Variants in PDE8A observed in about 807,000 individuals in gnomAD.
PDE8A encodes the protein phosphodiesterase 8A, also known as high affinity cAMP-specific and IBMX-insensitive 3',5'-cyclic phosphodiesterase 8A.
Under a neutral mutation model 105.0 loss-of-function variants are expected in PDE8A, and 59 were observed. The ratio of observed to expected loss-of-function variants is 0.56; its 90% CI spans 0.46 to 0.70. PDE8A has a LOEUF of 0.70. Ranked by LOEUF, PDE8A falls within the 30% of genes least tolerant of loss-of-function variation. The probability of loss-of-function intolerance (pLI) is 0.00; values close to 1 mark genes in which losing one functional copy is unlikely to be tolerated. For missense variants in PDE8A, 1,014 were observed against 1,045.9 expected, an observed-to-expected ratio of 0.97 and a Z score of 0.42; for synonymous variants, 355 against 371.9, an observed-to-expected ratio of 0.95 and a Z score of 0.52.
intron 1 of PDE8A, among the ~76,000 whole-genome samples, chr15:85,038,529 A>G (rs2080747738): frequency 6.6e-6 from 1 of 152,226 alleles, no homozygotes; most frequent in African/African-American, 2.4e-5. Context: ...GTACTCGGCA[A>G]AGGAAACAAT....
At chr15:85,068,755 TCCAGG>T (rs2081269402) in intron 3 of PDE8A, among the ~76,000 whole-genome samples, 3 of 152,132 alleles carry the variant, frequency 2.0e-5, no homozygotes, top group Non-Finnish European at 4.4e-5. Context: ...CCTAGTCTTG[TCCAGG>T]CCCAAGCCTA....
intron 11 of PDE8A, among the ~76,000 whole-genome samples, chr15:85,102,764 G>A (rs1392121897): frequency 2.0e-5 from 3 of 151,538 alleles, no homozygotes; most frequent in African/African-American, 7.3e-5. Flanking sequence ...ACTTGAACCC[G>A]GGAGGCTGAG....
intron 1 of PDE8A, among the ~76,000 whole-genome samples, chr15:84,996,740 C>A (rs901543095): frequency 7.2e-6 from 1 of 138,500 alleles, no homozygotes; most frequent in Non-Finnish European, 1.5e-5. Context: ...GCAGGAAAGT[C>A]GCTTGAACCC....
intron 1 of PDE8A, among the ~76,000 whole-genome samples, chr15:85,003,025 G>A (rs2080090570): frequency 6.6e-6 from 1 of 152,046 alleles, no homozygotes. Flanking sequence ...TTAGTGAGAT[G>A]TCATGAATTT....
intron 12 of PDE8A, among the ~76,000 whole-genome samples, chr15:85,110,661 A>G (rs535184415): frequency 7.9e-5 from 12 of 152,356 alleles, no homozygotes; most frequent in Non-Finnish European, 1.5e-4. Context: ...CGTTACAGGA[A>G]TATACCACAA....
chr15:85,129,882 T>G (rs1055159930), intron 20 of PDE8A, among the ~76,000 whole-genome samples: 1 of 152,250 alleles, frequency 6.6e-6, no homozygotes, highest in Non-Finnish European at 1.5e-5. Context: ...TTCATTTTCA[T>G]TTGTCTCAAA....
At chr15:85,136,429 A>G (rs1215444164) in intron 20 of PDE8A, 105 bp from the exon 21 acceptor site, 5 of 1,243,346 alleles carry the variant, frequency 4.0e-6, no homozygotes, top group East Asian at 2.4e-5. Flanking sequence ...CACCATGACA[A>G]GCCACCTTAG....
rs191739684 is a variant in PDE8A, at chr15:85,107,000, A to G, written c.1037-2053A>G. On this transcript the variant is annotated intron_variant, in intron 11 of 21. Transcript: ENST00000394553. ...GAGCTGGTCACCTAGGAAAGACAGG[A>G]AAAACTGTCCCTGCCCTCAAGTCAT... Among the ~76,000 whole-genome samples the G allele has an allele frequency of 2.8e-3, 429 of 152,282 alleles. 2 individuals carry two copies. Among genetic ancestry groups the G allele is most frequent in the African/African-American group, 1.0e-2 (415 of 41,550 alleles).
rs2142131021 is a variant in PDE8A at position 84,982,329 on chromosome 15, G to C, written c.167G>C (p.Arg56Pro). 7.5e-7 allele frequency: 1 copy of C among 1,326,234 alleles called. No individual in the cohort carries two copies. Among genetic ancestry groups the C allele is most frequent in the East Asian group, 3.0e-5 (1 of 32,860 alleles). 82.2% of individuals were successfully genotyped at this position (1,326,234 alleles called of 1,614,324 possible). A position where few individuals can be genotyped will look rare whatever the true frequency, so the allele number is the denominator to read the frequency against. Residue 56 changes from arginine to proline, a missense_variant, in exon 1 of 22, where the codon CGC (arginine) becomes CCC (proline). By Grantham distance (103) the Arg-to-Pro change is moderately radical. Transcript: ENST00000394553. ...GCCGGCCTCTTGGAGTCGGAGCTTC[G>C]CGACGGCAGCGGCAAGAAGGTAAGG... Reference protein sequence around the residue: ...RGAGLLESELRDGSGKKVAVA... With the variant: ...RGAGLLESELPDGSGKKVAVA...
chr15:85,020,143 G>A (rs550660838), intron 1 of PDE8A, among the ~76,000 whole-genome samples: 16 of 151,978 alleles, frequency 1.1e-4, no homozygotes, highest in African/African-American at 3.6e-4. Flanking sequence ...CAAATAATAG[G>A]TATTCTTTCT....
intron 20 of PDE8A, among the ~76,000 whole-genome samples, chr15:85,134,672 G>A (rs879574493): frequency 4.6e-5 from 7 of 152,174 alleles, no homozygotes; most frequent in Admixed American, 3.3e-4. Context: ...CCCCAGCACC[G>A]TCAACACTTA....
chr15:85,004,403 T>C (rs1402591187), intron 1 of PDE8A, among the ~76,000 whole-genome samples: 2 of 152,108 alleles, frequency 1.3e-5, no homozygotes, highest in African/African-American at 4.8e-5. Context: ...ATGGAGTGGT[T>C]GGGGGAAGAT....
chr15:85,056,101 G>T (rs1274694140), intron 1 of PDE8A, among the ~76,000 whole-genome samples: 1 of 151,978 alleles, frequency 6.6e-6, no homozygotes, highest in Non-Finnish European at 1.5e-5. Flanking sequence ...ATTCTGGGTT[G>T]AAAATTCTTT....
intron 1 of PDE8A, among the ~76,000 whole-genome samples, chr15:84,986,981 T>G (rs574790574): frequency 6.6e-6 from 1 of 152,290 alleles, no homozygotes; most frequent in Admixed American, 6.5e-5. Context: ...CCTGACTGAT[T>G]TTTTTCCTCC....
chr15:85,071,983 A>C (rs1233054085), intron 3 of PDE8A, among the ~76,000 whole-genome samples: 1 of 152,224 alleles, frequency 6.6e-6, no homozygotes, highest in African/African-American at 2.4e-5. Flanking sequence ...CTGTAATAAA[A>C]GGGAAGATCT....
At chr15:85,031,873 G>C (rs2080621491) in intron 1 of PDE8A, among the ~76,000 whole-genome samples, 1 of 152,112 alleles carries the variant, frequency 6.6e-6, no homozygotes, top group Non-Finnish European at 1.5e-5. Context: ...GCTGAATCCA[G>C]GGTTGCCCAG....
intron 1 of PDE8A, among the ~76,000 whole-genome samples, chr15:85,052,457 T>C (rs1296194670): frequency 6.6e-6 from 1 of 152,242 alleles, no homozygotes; most frequent in Non-Finnish European, 1.5e-5. Flanking sequence ...AAAGTGTTCC[T>C]ATTTCTCCAC....
rs2079717834 is a variant in PDE8A, at chr15:84,982,016, C to G, written c.-147C>G. 2 of 363,366 alleles carry G rather than the reference C, an allele frequency of 5.5e-6. No individual in the cohort carries two copies. Among genetic ancestry groups the G allele is most frequent in the Non-Finnish European group, 9.2e-6 (2 of 217,358 alleles). The allele number at this position is 363,366 out of a possible 1,614,324, so 22.5% of individuals were successfully genotyped here. ...CCCGCACCGCGATAAAAGGGGCGGC[C>G]GCGTTTCCTGACGCGAGATCCGCGC... is the stretch of plus-strand genomic sequence containing the variant. On this transcript the variant is annotated 5_prime_UTR_variant, in exon 1 of 22. Transcript: ENST00000394553.
intron 18 of PDE8A, 106 bp downstream of exon 18, chr15:85,121,120 A>G (rs1215772346): frequency 3.5e-5 from 26 of 733,692 alleles, no homozygotes; most frequent in South Asian, 2.4e-4. Flanking sequence ...TAAAGTGCAC[A>G]AAGTATACAG....
Sources: gnomAD v4.1 joint callset for allele counts (sites outside exome capture counted in the v4.1 genomes callset) on GRCh38, gnomAD v4.1.1 for gene constraint, MANE v1.5 for transcripts, NCBI Gene and HGNC (gene_info 2026-07-23, HGNC 2026-07-21) for gene names.